KIAA1586: variants seen among roughly 807,000 people sequenced by gnomAD.
The protein encoded by KIAA1586 is KIAA1586, also known as E3 SUMO-protein ligase KIAA1586.
KIAA1586 carries 5 observed loss-of-function variants against 6.1 expected under a neutral mutation model. The observed-to-expected ratio is 0.82, with a 90% CI of 0.43 to 1.73. The LOEUF (loss-of-function observed/expected upper bound fraction) is 1.73. Among genes scored for constraint, KIAA1586 ranks in the 40% most tolerant of loss-of-function variants. KIAA1586 has a pLI of 0.02. For missense variants in KIAA1586, 899 were observed against 878.2 expected (o/e 1.02, Z -0.30); for synonymous variants, 280 against 301.7 (o/e 0.93, Z 0.75).
In KIAA1586 at chr6:57,053,689, G is replaced by A. The variant is rs1828408299; in HGVS notation, c.1190G>A (p.Gly397Glu). 6.2e-7 allele frequency: 1 copy of A among 1,611,420 alleles called. No homozygotes were observed. Among genetic ancestry groups the A allele is most frequent in the South Asian group, 1.1e-5 (1 of 90,866 alleles). ...FCSDGANTIL[G>E]RKSGVATKLL... The stretch of plus-strand genomic sequence containing the variant: ...TCTGATGGTGCTAATACAATCCTGG[G>A]AAGAAAGTCTGGAGTAGCTACAAAA... The change falls in exon 4 of 4, where the codon GGA (glycine) becomes GAA (glutamate). Residue 397 changes from glycine (G) to glutamate (E), a missense_variant. Gly to Glu is a moderately conservative substitution (Grantham distance 98). Transcript: ENST00000370733.
chr6:57,055,334 TTTAC>T (rs1448373071), downstream of KIAA1586: 1 of 151,240 alleles, frequency 6.6e-6, no homozygotes, highest in East Asian at 1.9e-4. Context: ...TTTTTATTTA[TTTAC>T]TTTTACTTAA....
downstream of KIAA1586, among the ~76,000 whole-genome samples, chr6:57,055,764 A>C (rs1202517069): frequency 1.3e-5 from 2 of 152,246 alleles, no homozygotes; most frequent in African/African-American, 4.8e-5. Context: ...TGCAGAACCT[A>C]GTACAACTGG....
At chr6:57,060,399 G>GC in the KIAA1586 span, among the ~76,000 whole-genome samples, 1 of 152,164 alleles carries the variant, frequency 6.6e-6, no homozygotes, top group Non-Finnish European at 1.5e-5. Context: ...TGTCAGCATG[G>GC]CCATACTCAC....
At chr6:57,059,646 C>T (rs192504635), downstream of KIAA1586, among the ~76,000 whole-genome samples, 1 of 151,762 alleles carries the variant, frequency 6.6e-6, no homozygotes, top group Non-Finnish European at 1.5e-5. Flanking sequence ...TATTAGACGG[C>T]ACTACCCTAT....
rs780296381 is a variant in KIAA1586 at position 57,053,618 on chromosome 6, T to C, written c.1119T>C (p.Cys373=). 1 of 1,611,380 alleles carries C rather than the reference T, an allele frequency of 6.2e-7. No homozygotes were observed. The highest frequency in any genetic ancestry group is 8.5e-7 in the Non-Finnish European group (1 of 1,178,132). The change falls in exon 4 of 4, where the codon TGT becomes TGC. Residue 373 remains cysteine (C), a synonymous_variant. Transcript: ENST00000370733. ...CATTATTGACTACTTTAAATGATTG[T>C]GGTTTTACAAATGAATATTTGAAAG... is the stretch of plus-strand genomic sequence containing the variant. ...VNTLLTTLND[C]GFTNEYLKAN...
In KIAA1586 at chr6:57,053,428, A is replaced by G. The variant is rs754494794; in HGVS notation, c.929A>G (p.Glu310Gly). The change falls in exon 4 of 4, where the codon GAG becomes GGG. Residue 310 changes from glutamate to glycine, a missense_variant. Physicochemically the swap from Glu to Gly is moderately conservative, Grantham distance 98 (BLOSUM62 -2). Coordinates refer to ENST00000370733, the MANE Select transcript of KIAA1586 (RefSeq NM_020931.4). ...KMKIFKNIIEENAKICIIIDE... is the reference protein window; with the variant it reads ...KMKIFKNIIEGNAKICIIIDE... ...AAGATATTTAAGAATATTATAGAAG[A>G]GAATGCCAAAATCTGTATCATAATT... 4.3e-6 allele frequency: 7 copies of G among 1,609,858 alleles called. No individual in the cohort carries two copies. In the South Asian group the frequency reaches 6.6e-5, roughly 15 times the overall value.
At chr6:57,059,026 A>T (rs1379395620), downstream of KIAA1586, among the ~76,000 whole-genome samples, 3 of 152,178 alleles carry the variant, frequency 2.0e-5, no homozygotes, top group Non-Finnish European at 4.4e-5. Context: ...AAATAAAATG[A>T]TAGCTATGTT....
Position 57,054,644 on chromosome 6 carries a change from C to A in KIAA1586, c.2145C>A (p.Asn715Lys). The A allele has an allele frequency of 6.3e-7, 1 of 1,577,264 alleles. No homozygotes were observed. The highest frequency in any genetic ancestry group is 1.1e-5 in the South Asian group (1 of 87,332). ...AEAERGFNLMNIICTRVRNSL... is the reference protein window; with the variant it reads ...AEAERGFNLMKIICTRVRNSL... ...CTGAAAGGGGTTTCAATTTAATGAA[C>A]ATAATTTGTACAAGGGTGAGAAATA... Residue 715 changes from asparagine to lysine, a missense_variant, in exon 4 of 4, where the codon AAC becomes AAA. Asn to Lys is a moderately conservative substitution (Grantham distance 94). Transcript: ENST00000370733.
chr6:57,053,030 T>C lies in KIAA1586; in HGVS notation c.531T>C (p.His177=), dbSNP rs372358467. 1.5e-5 allele frequency: 25 copies of C among 1,613,796 alleles called. No homozygotes were observed. The African/African-American group carries it at 2.8e-4, about 18-fold the overall frequency. The change falls in exon 4 of 4, where the codon CAT becomes CAC. Residue 177 remains histidine (H), a synonymous_variant. Coordinates refer to ENST00000370733, the MANE Select transcript of KIAA1586 (RefSeq NM_020931.4). The stretch of plus-strand genomic sequence containing the variant: ...ATTTGGGATCGAAAGCAGAAAAGCA[T>C]GTCCATGTGTCCAAGGAATGGATTG... ...VRHLGSKAEK[H]VHVSKEWIAY...
chr6:57,062,190 A>G, the KIAA1586 span, among the ~76,000 whole-genome samples: 1 of 152,212 alleles, frequency 6.6e-6, no homozygotes, highest in African/African-American at 2.4e-5. Flanking sequence ...CTTGGCCTCC[A>G]AAAGTTCCAG....
chr6:57,058,111 T>A (rs1205126583), downstream of KIAA1586, among the ~76,000 whole-genome samples: 1 of 151,678 alleles, frequency 6.6e-6, no homozygotes. Context: ...GCTTTTAAAA[T>A]CTCTGCGTGT....
Position 57,053,698 on chromosome 6 carries a change from CTG to C in KIAA1586, c.1200_1201del (p.Gly401SerfsTer11). 6.2e-7 allele frequency: 1 copy of C among 1,610,694 alleles called. No homozygotes were observed. The highest frequency in any genetic ancestry group is 8.5e-7 in the Non-Finnish European group (1 of 1,177,456). On this transcript the variant is annotated frameshift_variant, in exon 4 of 4. Transcript: ENST00000370733. LOFTEE classifies it low-confidence loss of function (END_TRUNC). ...GCTAATACAATCCTGGGAAGAAAGTCTGGAGTAGCTACAAAATTGTTAGAAAA... is the reference window on the plus strand; with the variant it reads ...GCTAATACAATCCTGGGAAGAAAGTCGAGTAGCTACAAAATTGTTAGAAAA...
the KIAA1586 span, among the ~76,000 whole-genome samples, chr6:57,063,523 G>A: frequency 7.9e-6 from 1 of 127,052 alleles, no homozygotes; most frequent in Admixed American, 1.1e-4. Context: ...GCACAATCTC[G>A]GCTCAATGCA....
Position 57,053,163 on chromosome 6 carries a change from T to A in KIAA1586, c.664T>A (p.Leu222Met). 6.2e-7 allele frequency: 1 copy of A among 1,609,828 alleles called. No homozygotes were observed. Among genetic ancestry groups the A allele is most frequent in the Non-Finnish European group, 8.5e-7 (1 of 1,178,896 alleles). The change falls in exon 4 of 4, where the codon TTG becomes ATG. Residue 222 changes from leucine (L) to methionine (M), a missense_variant. Physicochemically the swap from Leu to Met is conservative, Grantham distance 15. Transcript: ENST00000370733. ...TAAAGCCCATGGTAAAATTCAGGATTTGTTAAAGGAATCAACTAATGATTC... is the reference window on the plus strand; with the variant it reads ...TAAAGCCCATGGTAAAATTCAGGATATGTTAAAGGAATCAACTAATGATTC... ...VSKAHGKIQD[L>M]LKESTNDSIC...
the KIAA1586 span, among the ~76,000 whole-genome samples, chr6:57,065,513 GTC>G: frequency 4.7e-5 from 7 of 148,062 alleles, no homozygotes; most frequent in African/African-American, 1.8e-4. Context: ...TTTTGAGTCA[GTC>G]TTGTTCTGTC....
Position 57,047,027 on chromosome 6 carries a change from A to G in KIAA1586, c.21+251A>G, listed in dbSNP as rs1460972435. 5.4e-5 allele frequency: 26 copies of G among 480,712 alleles called. No homozygotes were observed. The African/African-American group carries it at 8.0e-4, about 15-fold the overall frequency. 29.8% of individuals were successfully genotyped at this position (480,712 alleles called of 1,614,324 possible). On this transcript the variant is annotated intron_variant, in intron 1 of 3. Coordinates refer to ENST00000370733, the MANE Select transcript of KIAA1586 (RefSeq NM_020931.4). ...GCTGGGCCAGTGGGAGCGACGTTTT[A>G]AGGCAGGATTGCCCTTCGGTGTTGA...
In KIAA1586 at chr6:57,052,891, T is replaced by G. The variant is rs754012022; in HGVS notation, c.392T>G (p.Leu131Arg). The change falls in exon 4 of 4, where the codon CTT (leucine) becomes CGT (arginine). Residue 131 changes from leucine to arginine, a missense_variant. By Grantham distance (102) the Leu-to-Arg change is moderately radical. Coordinates refer to ENST00000370733, the MANE Select transcript of KIAA1586 (RefSeq NM_020931.4). ...SLSSKKEIDN[L>R]VLPDCWNEKQ... ...TCATCAAAGAAAGAAATAGATAATC[T>G]TGTGCTTCCAGATTGTTGGAATGAA... 1 of 1,612,814 alleles carries G rather than the reference T, an allele frequency of 6.2e-7. No individual in the cohort carries two copies. The highest frequency in any genetic ancestry group is 8.5e-7 in the Non-Finnish European group (1 of 1,179,492).
chr6:57,056,909 A>ATGTTTCT (rs1201318401), downstream of KIAA1586, among the ~76,000 whole-genome samples: 1 of 152,104 alleles, frequency 6.6e-6, no homozygotes, highest in Non-Finnish European at 1.5e-5. Flanking sequence ...TATGAATAAA[A>ATGTTTCT]GCCTAAATAA....
Position 57,054,159 on chromosome 6 carries a change from C to T in KIAA1586, c.1660C>T (p.Gln554Ter). The T allele has an allele frequency of 5.7e-6, 9 of 1,585,214 alleles. No homozygotes were observed. The highest frequency in any genetic ancestry group is 6.8e-6 in the Non-Finnish European group (8 of 1,168,574). The change falls in exon 4 of 4, where the codon CAA becomes TAA. Residue 554 changes from glutamine (Q) to a stop codon, truncating the protein, a stop_gained. Transcript: ENST00000370733. LOFTEE classifies it low-confidence loss of function (END_TRUNC). ...QSRSTNIKKA[Q>*]KLIKRTIRAL... ...AAGATCAACTAATATTAAGAAAGCA[C>T]AAAAATTGATCAAACGTACCATAAG... is the stretch of plus-strand genomic sequence containing the variant.
Sources: gnomAD v4.1 joint callset for allele counts (sites outside exome capture counted in the v4.1 genomes callset) on GRCh38, gnomAD v4.1.1 for gene constraint, MANE v1.5 for transcripts, NCBI Gene and HGNC (gene_info 2026-07-23, HGNC 2026-07-21) for gene names.